BTRC: variants seen among roughly 807,000 people sequenced by gnomAD.
BTRC encodes the protein beta-transducin repeat containing E3 ubiquitin protein ligase.
Under a neutral mutation model 85.5 loss-of-function variants are expected in BTRC, and 42 were observed. The observed-to-expected ratio is 0.49, with a 90% confidence interval of 0.38 to 0.64. The LOEUF is 0.64. BTRC is among the 30% of genes least tolerant of loss of function. The pLI, the probability that BTRC is intolerant of heterozygous loss-of-function variation, is 0.00. For synonymous variants in BTRC, 255 were observed against 263.3 expected (o/e 0.97, Z 0.30); for missense variants, 594 against 743.5 (o/e 0.80, Z 2.34).
intron 1 of BTRC, among the ~76,000 whole-genome samples, chr10:101,400,249 A>G (rs1040770183): frequency 3.9e-5 from 6 of 152,192 alleles, no homozygotes; most frequent in Non-Finnish European, 7.4e-5. Flanking sequence ...CTGATCTGTG[A>G]TGTGCGGGAA....
chr10:101,454,609 T>C (rs1165980002), intron 2 of BTRC, among the ~76,000 whole-genome samples: 1 of 152,036 alleles, frequency 6.6e-6, no homozygotes, highest in Non-Finnish European at 1.5e-5. Flanking sequence ...TGAGAACCCC[T>C]GTATCTACAA....
intron 6 of BTRC, among the ~76,000 whole-genome samples, chr10:101,526,896 C>T (rs1424544169): frequency 6.6e-6 from 1 of 152,094 alleles, no homozygotes; most frequent in Non-Finnish European, 1.5e-5. Flanking sequence ...GACTTAATTC[C>T]GAATTCCCCA....
chr10:101,377,367 A>G (rs1052133522), intron 1 of BTRC, among the ~76,000 whole-genome samples: 16 of 152,218 alleles, frequency 1.1e-4, no homozygotes, highest in African/African-American at 3.6e-4. Flanking sequence ...ACACTTGTGT[A>G]TAGATTTTGT....
chr10:101,489,961 A>G (rs1946086280), intron 4 of BTRC, among the ~76,000 whole-genome samples: 2 of 152,170 alleles, frequency 1.3e-5, no homozygotes, highest in African/African-American at 4.8e-5. Context: ...TACTAATTCC[A>G]ATTAAGTTCA....
chr10:101,386,278 A>G (rs1943077247), intron 1 of BTRC, among the ~76,000 whole-genome samples: 2 of 152,214 alleles, frequency 1.3e-5, no homozygotes, highest in African/African-American at 4.8e-5. Flanking sequence ...AGTTTACTCT[A>G]GTAAGTACAC....
In BTRC at chr10:101,354,175, G is replaced by A. The variant is rs1195886909; in HGVS notation, c.-6G>A. 5 of 1,548,936 alleles carry A rather than the reference G, an allele frequency of 3.2e-6. No individual in the cohort carries two copies. Among genetic ancestry groups the A allele is most frequent in the Middle Eastern group, 2.3e-4 (1 of 4,390 alleles). On this transcript the variant is annotated 5_prime_UTR_variant, in exon 1 of 15. Coordinates refer to ENST00000370187, the MANE Select transcript of BTRC (RefSeq NM_033637.4). ...GCGGAGAGCGGACCCAGTGGCCTCG[G>A]CGATTATGGACCCGGCCGAGGCGGT...
intron 1 of BTRC, chr10:101,414,703 G>A (rs753007628): frequency 9.7e-6 from 5 of 516,038 alleles, no homozygotes; most frequent in Non-Finnish European, 1.9e-5. Context: ...TGATATTGAT[G>A]ATCCTTGCTC....
At chr10:101,529,431 T>A (rs1398097641) in intron 6 of BTRC, among the ~76,000 whole-genome samples, 3 of 152,166 alleles carry the variant, frequency 2.0e-5, no homozygotes, top group Non-Finnish European at 4.4e-5. Context: ...ATCTCAGGAA[T>A]GGTGGGCATT....
intron 1 of BTRC, among the ~76,000 whole-genome samples, chr10:101,384,477 A>G (rs1943017128): frequency 6.6e-6 from 1 of 152,236 alleles, no homozygotes; most frequent in Admixed American, 6.5e-5. Context: ...CAGCAGAACT[A>G]TAGTTTCTTA....
chr10:101,541,271 T>TTA (rs2062462388), intron 13 of BTRC, among the ~76,000 whole-genome samples: 1 of 151,896 alleles, frequency 6.6e-6, no homozygotes, highest in Admixed American at 6.6e-5. Flanking sequence ...TTCTCTTTTT[T>TTA]TTTTTTGAGA....
At chr10:101,507,821 A>G (rs1374500602) in intron 4 of BTRC, among the ~76,000 whole-genome samples, 9 of 152,202 alleles carry the variant, frequency 5.9e-5, no homozygotes, top group African/African-American at 2.2e-4. Flanking sequence ...CATTTCTTAT[A>G]ATTAAACATT....
chr10:101,493,615 A>G (rs1447879567), intron 4 of BTRC, among the ~76,000 whole-genome samples: 3 of 152,398 alleles, frequency 2.0e-5, no homozygotes, highest in Non-Finnish European at 4.4e-5. Flanking sequence ...ACAACTAGCC[A>G]GGATTTGGAA....
Position 101,398,304 on chromosome 10 carries a change from T to C in BTRC, c.49-32041T>C, listed in dbSNP as rs543530936. Among the ~76,000 whole-genome samples the C allele has an allele frequency of 3.9e-5, 6 of 152,298 alleles. No individual in the cohort carries two copies. In the South Asian group the frequency reaches 1.0e-3, roughly 26 times the overall value. ...TGTGTGTTGAAAATTTCTTTTTTTC[T>C]TTTTTTCTTTTTTTGTTTTTTTGAG... On this transcript the variant is annotated intron_variant, in intron 1 of 14. Transcript: ENST00000370187.
intron 1 of BTRC, among the ~76,000 whole-genome samples, chr10:101,362,894 A>G (rs1041162662): frequency 1.3e-5 from 2 of 152,250 alleles, no homozygotes; most frequent in African/African-American, 4.8e-5. Flanking sequence ...AACTACTTAC[A>G]TAACATTTAC....
chr10:101,547,498 G>A (rs543061066), intron 13 of BTRC, among the ~76,000 whole-genome samples: 33 of 151,496 alleles, frequency 2.2e-4, no homozygotes, highest in Non-Finnish European at 4.4e-4. Context: ...CTGCCACCAC[G>A]CTCAGCTGAT....
intron 1 of BTRC, among the ~76,000 whole-genome samples, chr10:101,365,912 T>C (rs998157587): frequency 1.3e-5 from 2 of 152,214 alleles, no homozygotes; most frequent in African/African-American, 2.4e-5. Context: ...GCAAGTGTAC[T>C]GGCCAGTGGG....
chr10:101,486,714 TCAAGA>T (rs1334542838), intron 4 of BTRC, among the ~76,000 whole-genome samples: 1 of 152,216 alleles, frequency 6.6e-6, no homozygotes, highest in Non-Finnish European at 1.5e-5. Context: ...ATGGTCATAC[TCAAGA>T]CAAGCCTAGA....
rs1023689370 is a variant in BTRC at position 101,555,149 on chromosome 10, G to T, written c.*2026G>T. Reference sequence around the variant, plus strand: ...ATTAATGGCTTTTTGATTGGGTAAGGATTTTGCTATAGATGAAGGTAGAGG... The same window carrying T: ...ATTAATGGCTTTTTGATTGGGTAAGTATTTTGCTATAGATGAAGGTAGAGG... On this transcript the variant is annotated 3_prime_UTR_variant, in exon 15 of 15. Transcript: ENST00000370187. 6.6e-6 allele frequency: 1 copy of T among 152,640 alleles called. No homozygotes were observed. The highest frequency in any genetic ancestry group is 2.4e-5 in the African/African-American group (1 of 41,462). The allele number at this position is 152,640 out of a possible 1,614,324, so 9.5% of individuals were successfully genotyped here.
intron 4 of BTRC, among the ~76,000 whole-genome samples, chr10:101,501,182 C>T (rs1182825795): frequency 7.7e-6 from 1 of 130,212 alleles, no homozygotes; most frequent in African/African-American, 2.6e-5. Flanking sequence ...AGTGAGACTG[C>T]GTCTCAAAAA....
Sources: allele counts gnomAD v4.1 joint callset (sites outside exome capture counted in the v4.1 genomes callset), GRCh38; gene constraint gnomAD v4.1.1; transcripts MANE v1.5; gene names NCBI Gene and HGNC (gene_info 2026-07-23, HGNC 2026-07-21).